The following GUCY1B1 variants were observed in gnomAD, a reference collection of about 807,000 sequenced individuals.
GUCY1B1 encodes the protein guanylate cyclase 1 soluble subunit beta 1, also known as guanylate cyclase soluble subunit beta-1.
In GUCY1B1, 43 loss-of-function variants were observed where a neutral mutation model predicts 71.0. The observed-to-expected ratio is 0.61, with a 90% CI of 0.47 to 0.78. The LOEUF (loss-of-function observed/expected upper bound fraction) is 0.78, where lower values mean the gene tolerates loss of function less well. GUCY1B1 is among the 30% of genes least tolerant of loss of function. GUCY1B1 has a pLI of 0.00. For missense variants in GUCY1B1, 535 were observed against 754.1 expected, an observed-to-expected ratio of 0.71 and a Z score of 3.40; for synonymous variants, 266 against 259.7, an observed-to-expected ratio of 1.02 and a Z score of -0.23.
At position 155,806,854 on chromosome 4, in the gene GUCY1B1, G is replaced by C. The variant is rs1175548941; in HGVS notation, c.*445G>C. 6.5e-6 allele frequency: 1 copy of C among 154,040 alleles called. No homozygotes were observed. The allele number at this position is 154,040 out of a possible 1,614,324, so 9.5% of individuals were successfully genotyped here. A position where few individuals can be genotyped will look rare whatever the true frequency, so the allele number is the denominator to read the frequency against. The stretch of plus-strand genomic sequence containing the variant: ...ATTTTAATGACTATAATGTAATAAA[G>C]TTTATATCATGTTGGTGTATATCAT... On this transcript the variant is annotated 3_prime_UTR_variant, in exon 14 of 14. Transcript: ENST00000264424.
intron 11 of GUCY1B1, 50 bp from the exon 12 acceptor site, chr4:155,804,543 T>A (rs775021206): frequency 7.7e-5 from 110 of 1,425,288 alleles, no homozygotes; most frequent in South Asian, 2.0e-4. Context: ...AAAAAAAAAA[T>A]TCATGTGTTA....
chr4:155,759,399 G>A, intron 1 of GUCY1B1: 1 of 546,244 alleles, frequency 1.8e-6, no homozygotes, highest in Non-Finnish European at 3.2e-6. Context: ...GCTCGGGAAG[G>A]GGAGGTGCGG....
rs542560882 is a variant in GUCY1B1 at position 155,802,897 on chromosome 4, A to T, written c.1413+318A>T. On this transcript the variant is annotated intron_variant, in intron 10 of 13. Transcript: ENST00000264424. This position sits in a 1 kb window ranked among gnomAD's most constrained non-coding sequence, Gnocchi z 4.3. Reference sequence around the variant, plus strand: ...CACATGTAGTATAAACATAGCATTCATTTTAGTCCTCTGCAAGAGACATTT... The same window carrying T: ...CACATGTAGTATAAACATAGCATTCTTTTTAGTCCTCTGCAAGAGACATTT... Among the ~76,000 whole-genome samples, 5 of 152,326 alleles carry T rather than the reference A, an allele frequency of 3.3e-5. No individual in the cohort carries two copies. The East Asian group carries it at 9.6e-4, about 29-fold the overall frequency.
intron 5 of GUCY1B1, among the ~76,000 whole-genome samples, chr4:155,793,635 C>G (rs1482187907): frequency 1.3e-5 from 2 of 151,954 alleles, no homozygotes; most frequent in African/African-American, 4.8e-5. Context: ...GGAACTGATA[C>G]CAGATTTGTA....
chr4:155,785,564 T>C (rs552535567), intron 4 of GUCY1B1, among the ~76,000 whole-genome samples: 2 of 152,244 alleles, frequency 1.3e-5, no homozygotes, highest in South Asian at 4.2e-4. Context: ...GAAAGGGTTT[T>C]CTCTTGGCCA....
chr4:155,778,212 C>T lies in GUCY1B1; in HGVS notation c.297+570C>T, dbSNP rs111887022. 5.9e-5 allele frequency among the ~76,000 whole-genome samples: 9 copies of T among 152,248 alleles called. No individual in the cohort carries two copies. In the East Asian group the frequency reaches 1.7e-3, roughly 29 times the overall value. ...ATAGGAAACAGTCCAAAGTCAGTTTCAGGTGAAAAAGTTAAATAATGCAAT... is the reference window on the plus strand; with the variant it reads ...ATAGGAAACAGTCCAAAGTCAGTTTTAGGTGAAAAAGTTAAATAATGCAAT... On this transcript the variant is annotated intron_variant, in intron 4 of 13. Coordinates refer to ENST00000264424, the MANE Select transcript of GUCY1B1 (RefSeq NM_000857.5).
intron 2 of GUCY1B1, among the ~76,000 whole-genome samples, chr4:155,773,944 C>T (rs1207867148): frequency 6.6e-6 from 1 of 152,200 alleles, no homozygotes; most frequent in Non-Finnish European, 1.5e-5. Context: ...GTCCCCGCCT[C>T]CCAAAGTGCT....
chr4:155,806,370 C>A lies in GUCY1B1; in HGVS notation c.1837-16C>A. On this transcript the variant is annotated splice_polypyrimidine_tract_variant and intron_variant, in intron 13 of 13. Transcript: ENST00000264424. ...ATCACTGTAAATCAATCCCTCTTTTCTTCTGCCTATTTAAGGAAACAAAGC... is the reference window on the plus strand; with the variant it reads ...ATCACTGTAAATCAATCCCTCTTTTATTCTGCCTATTTAAGGAAACAAAGC... 6.4e-7 allele frequency: 1 copy of A among 1,574,468 alleles called. No homozygotes were observed. The highest frequency in any genetic ancestry group is 8.7e-7 in the Non-Finnish European group (1 of 1,144,756).
intron 4 of GUCY1B1, among the ~76,000 whole-genome samples, chr4:155,783,240 A>G (rs879166532): frequency 6.6e-6 from 1 of 152,190 alleles, no homozygotes; most frequent in Admixed American, 6.5e-5. Flanking sequence ...AATAGGAGCC[A>G]TGTCAGTCCC....
At chr4:155,773,843 A>ACCCCC (rs1279833037) in intron 2 of GUCY1B1, among the ~76,000 whole-genome samples, 120 of 152,114 alleles carry the variant, frequency 7.9e-4, no homozygotes, top group African/African-American at 2.7e-3. Context: ...ACCCGCCACC[A>ACCCCC]CGCCAGGCTA....
rs57459189 is a variant in GUCY1B1 at position 155,768,040 on chromosome 4, A to G, written c.78-6928A>G. ...TCTGATAATGTTGTTTATGGGATCA[A>G]TAGTATCTTGGAGCTGTCATTGGTC... On this transcript the variant is annotated intron_variant, in intron 2 of 13. Transcript: ENST00000264424. Among the ~76,000 whole-genome samples, 403 of 152,244 alleles carry G rather than the reference A, an allele frequency of 2.6e-3. 1 individual carries two copies. The highest frequency in any genetic ancestry group is 9.5e-3 in the African/African-American group (393 of 41,560).
intron 2 of GUCY1B1, among the ~76,000 whole-genome samples, chr4:155,761,310 A>G (rs190760660): frequency 1.3e-3 from 195 of 152,192 alleles, no homozygotes; most frequent in African/African-American, 4.4e-3. Flanking sequence ...TAACTACCGA[A>G]TTATTTTTAA....
chr4:155,761,178 A>G (rs575736515), intron 2 of GUCY1B1, among the ~76,000 whole-genome samples: 9 of 152,318 alleles, frequency 5.9e-5, no homozygotes, highest in African/African-American at 2.2e-4. Flanking sequence ...GAACATAGGC[A>G]CCAAAAGTTA....
At chr4:155,782,355 C>G (rs1247093982) in intron 4 of GUCY1B1, among the ~76,000 whole-genome samples, 1 of 152,182 alleles carries the variant, frequency 6.6e-6, no homozygotes, top group Non-Finnish European at 1.5e-5. Context: ...TCCCAAAGTG[C>G]TGGGATTACA....
intron 5 of GUCY1B1, among the ~76,000 whole-genome samples, chr4:155,792,157 C>T (rs1739224974): frequency 6.6e-6 from 1 of 151,952 alleles, no homozygotes; most frequent in Non-Finnish European, 1.5e-5. Flanking sequence ...GAGGGATTCT[C>T]ACATTAAGTT....
intron 4 of GUCY1B1, among the ~76,000 whole-genome samples, chr4:155,781,163 A>C (rs764655149): frequency 6.6e-6 from 1 of 152,238 alleles, no homozygotes; most frequent in Non-Finnish European, 1.5e-5. Flanking sequence ...GACACAGCAT[A>C]TAATAGGCAA....
At chr4:155,803,596 G>A (rs994960445) in intron 10 of GUCY1B1, 28 bp from the exon 11 acceptor site, 22 of 1,415,004 alleles carry the variant, frequency 1.6e-5, no homozygotes, top group South Asian at 1.3e-4. Context: ...TATGCTAACC[G>A]TGAACATCTA....
intron 2 of GUCY1B1, among the ~76,000 whole-genome samples, chr4:155,763,437 G>A (rs1424815136): frequency 6.6e-6 from 1 of 152,110 alleles, no homozygotes; most frequent in Non-Finnish European, 1.5e-5. Flanking sequence ...TGTAAAGAAA[G>A]TACACTGTCC....
chr4:155,777,672 G>A (rs1181308781), intron 4 of GUCY1B1, 30 bp downstream of exon 4: 4 of 1,061,734 alleles, frequency 3.8e-6, no homozygotes, highest in Non-Finnish European at 5.9e-6. Flanking sequence ...ATAGTTAAAA[G>A]TTCTGTGTTT....
Sources: gnomAD v4.1 joint callset for allele counts (sites outside exome capture counted in the v4.1 genomes callset) on GRCh38, gnomAD v4.1.1 for gene constraint, Gnocchi (gnomAD v3.1) non-coding constraint, MANE v1.5 for transcripts, NCBI Gene and HGNC (gene_info 2026-07-23, HGNC 2026-07-21) for gene names.